The following TBCE variants were observed in gnomAD, a reference collection of about 807,000 sequenced individuals.
TBCE encodes the protein tubulin-specific chaperone E.
TBCE carries 53 observed loss-of-function variants against 77.0 expected under a neutral mutation model. The observed-to-expected ratio is 0.69, with a 90% CI of 0.55 to 0.87. TBCE has a LOEUF of 0.87. TBCE is among the 40% of genes least tolerant of loss of function. TBCE has a pLI of 0.00. For missense variants in TBCE, 624 were observed against 622.4 expected, an observed-to-expected ratio of 1.00 and a Z score of -0.03; for synonymous variants, 235 against 241.3, an observed-to-expected ratio of 0.97 and a Z score of 0.24.
Position 235,443,088 on chromosome 1 carries a change from C to A in TBCE, c.1399+177C>A, listed in dbSNP as rs1316253100. 9 of 649,696 alleles carry A rather than the reference C, an allele frequency of 1.4e-5. No individual in the cohort carries two copies. In the Admixed American group the frequency reaches 2.6e-4, roughly 19 times the overall value. 40.2% of individuals were successfully genotyped at this position (649,696 alleles called of 1,614,324 possible). The stretch of plus-strand genomic sequence containing the variant: ...ATCATGCTAATATCACTCCCCCATG[C>A]CCCCAAAAGTTCAGGTCTCCCCTAA... On this transcript the variant is annotated intron_variant, in intron 15 of 16. Coordinates refer to ENST00000642610, the MANE Select transcript of TBCE (RefSeq NM_003193.5).
intron 1 of TBCE, among the ~76,000 whole-genome samples, chr1:235,377,656 C>CTT (rs11449267): frequency 1.6e-3 from 228 of 145,636 alleles, no homozygotes; most frequent in South Asian, 5.2e-3. Context: ...TCTACCTATT[C>CTT]TTTTTTTTTT....
intron 15 of TBCE, among the ~76,000 whole-genome samples, chr1:235,445,511 C>T (rs753778713): frequency 1.3e-5 from 2 of 152,096 alleles, no homozygotes; most frequent in Non-Finnish European, 2.9e-5. Flanking sequence ...TGGTGCATGC[C>T]TGTAGTCCCA....
chr1:235,369,780 C>A lies in TBCE; in HGVS notation c.-32+2276C>A, dbSNP rs1035009558. Among the ~76,000 whole-genome samples, 7 of 150,562 alleles carry A rather than the reference C, an allele frequency of 4.6e-5. No homozygotes were observed. In the East Asian group the frequency reaches 9.7e-4, roughly 21 times the overall value. ...GGCAGGCGCGGAGGTTGCAGTGAGC[C>A]GAGATTGTGCCATTGCACTCCAGTC... is the stretch of plus-strand genomic sequence containing the variant. On this transcript the variant is annotated intron_variant, in intron 1 of 16. Transcript: ENST00000642610.
chr1:235,369,708 TC>T (rs1263364000), intron 1 of TBCE, among the ~76,000 whole-genome samples: 5 of 151,316 alleles, frequency 3.3e-5, no homozygotes, highest in Non-Finnish European at 7.4e-5. Flanking sequence ...GTGTCTGCAA[TC>T]CCAGCTATTA....
chr1:235,416,401 C>T (rs1164170692), intron 4 of TBCE, among the ~76,000 whole-genome samples: 1 of 151,824 alleles, frequency 6.6e-6, no homozygotes. Flanking sequence ...TGGTGCGTGC[C>T]TATAGTCCCA....
chr1:235,444,050 ACT>A (rs1682077647), intron 15 of TBCE, among the ~76,000 whole-genome samples: 2 of 152,142 alleles, frequency 1.3e-5, no homozygotes, highest in South Asian at 2.1e-4. Flanking sequence ...CAGCTTAATG[ACT>A]CTAGTACACT....
At chr1:235,387,620 C>T (rs1408956243) in intron 2 of TBCE, among the ~76,000 whole-genome samples, 2 of 152,192 alleles carry the variant, frequency 1.3e-5, no homozygotes, top group Non-Finnish European at 2.9e-5. Flanking sequence ...GGGATATAAT[C>T]TCCTGGTGTG....
chr1:235,397,605 G>A (rs189966761), intron 2 of TBCE, among the ~76,000 whole-genome samples: 1 of 152,306 alleles, frequency 6.6e-6, no homozygotes, highest in Admixed American at 6.5e-5. Context: ...GCCTGATTAT[G>A]ATTGGCTTTT....
chr1:235,450,429 T>A lies in TBCE; in HGVS notation c.*1667T>A. ...ATGCACGTAGACAGCTTTTATGTAT[T>A]CTAATGATGCTGAAATTATTTCAAG... On this transcript the variant is annotated 3_prime_UTR_variant, in exon 17 of 17. Transcript: ENST00000642610. The A allele has an allele frequency of 2.1e-6, 3 of 1,428,970 alleles. No homozygotes were observed. The highest frequency in any genetic ancestry group is 1.4e-5 in the African/African-American group (1 of 70,788). 88.5% of individuals were successfully genotyped at this position (1,428,970 alleles called of 1,614,324 possible). A position where few individuals can be genotyped will look rare whatever the true frequency, so the allele number is the denominator to read the frequency against.
At chr1:235,387,657 G>T (rs1678108420) in intron 2 of TBCE, among the ~76,000 whole-genome samples, 1 of 152,134 alleles carries the variant, frequency 6.6e-6, no homozygotes, top group Admixed American at 6.6e-5. Flanking sequence ...TCAGAAAAGT[G>T]CAGTATTAGG....
chr1:235,391,774 T>G (rs1381459552), intron 2 of TBCE, among the ~76,000 whole-genome samples: 1 of 151,490 alleles, frequency 6.6e-6, no homozygotes, highest in Non-Finnish European at 1.5e-5. Context: ...GCCCAGCTAA[T>G]TTTTATATTT....
intron 3 of TBCE, among the ~76,000 whole-genome samples, chr1:235,402,899 G>A (rs1398653560): frequency 2.6e-5 from 4 of 152,164 alleles, no homozygotes; most frequent in Non-Finnish European, 4.4e-5. Flanking sequence ...TCAAAGTGCT[G>A]GGATTACAGA....
intron 1 of TBCE, among the ~76,000 whole-genome samples, chr1:235,368,551 G>C (rs1415817106): frequency 2.2e-5 from 1 of 44,876 alleles, no homozygotes; most frequent in East Asian, 6.7e-4. Flanking sequence ...TGGACAGCCT[G>C]CTTTTTTTTT....
At chr1:235,384,388 A>G (rs1044222509) in intron 2 of TBCE, among the ~76,000 whole-genome samples, 3 of 146,636 alleles carry the variant, frequency 2.0e-5, no homozygotes, top group Non-Finnish European at 3.0e-5. Flanking sequence ...TTCAGAAGGA[A>G]TGGTACCTGT....
In TBCE at chr1:235,450,314, G is replaced by A. The variant is rs1682820172; in HGVS notation, c.*1552G>A. The A allele has an allele frequency of 6.2e-7, 1 of 1,613,954 alleles. No homozygotes were observed. Among genetic ancestry groups the A allele is most frequent in the Non-Finnish European group, 8.5e-7 (1 of 1,179,828 alleles). On this transcript the variant is annotated 3_prime_UTR_variant, in exon 17 of 17. Transcript: ENST00000642610. Reference sequence around the variant, plus strand: ...GAGAAGACAGCATTCCTGTCTCACAGGTCTTCTCACACAGCCACAGACTGT... The same window carrying A: ...GAGAAGACAGCATTCCTGTCTCACAAGTCTTCTCACACAGCCACAGACTGT...
intron 11 of TBCE, 41 bp downstream of exon 11, chr1:235,436,649 T>G (rs1681467510): frequency 1.9e-6 from 3 of 1,557,844 alleles, no homozygotes; most frequent in Non-Finnish European, 2.7e-6. Flanking sequence ...CTGTTGCCTC[T>G]TTCCACTCTC....
rs1278346319 is a variant in TBCE, at chr1:235,438,912, C to T, written c.1260C>T (p.Phe420=). The T allele has an allele frequency of 1.1e-5, 17 of 1,614,022 alleles. No homozygotes were observed. The highest frequency in any genetic ancestry group is 1.7e-5 in the Admixed American group (1 of 59,986). ...TCACAGCCCATCCCAGATACCAGTT[C>T]CTCTGCCTGAGTACGTGCGTATACA... ...EFLTAHPRYQ[F]LCLKYGAPED... The change falls in exon 13 of 17, where the codon TTC becomes TTT. Residue 420 remains phenylalanine (F), a synonymous_variant. Coordinates refer to ENST00000642610, the MANE Select transcript of TBCE (RefSeq NM_003193.5).
At chr1:235,395,237 A>G (rs1295716991) in intron 2 of TBCE, among the ~76,000 whole-genome samples, 1 of 152,168 alleles carries the variant, frequency 6.6e-6, no homozygotes, top group Non-Finnish European at 1.5e-5. Flanking sequence ...TTGTGGGTAC[A>G]TAGTAGGTGT....
At chr1:235,408,501 G>GTTA (rs1346787007) in intron 3 of TBCE, among the ~76,000 whole-genome samples, 1 of 145,336 alleles carries the variant, frequency 6.9e-6, no homozygotes, top group Non-Finnish European at 1.5e-5. Flanking sequence ...GTTCAAAAAG[G>GTTA]TGGTAGCTCT....
Sources: gnomAD v4.1 joint callset for allele counts (sites outside exome capture counted in the v4.1 genomes callset) on GRCh38, gnomAD v4.1.1 for gene constraint, MANE v1.5 for transcripts, NCBI Gene and HGNC (gene_info 2026-07-23, HGNC 2026-07-21) for gene names.